The following TENM2 variants were observed in gnomAD, a reference collection of about 807,000 sequenced individuals.
TENM2 encodes teneurin-2.
In TENM2, 52 loss-of-function variants were observed where a neutral mutation model predicts 245.2. The observed-to-expected ratio is 0.21, with a 90% CI of 0.17 to 0.27. The LOEUF is 0.27. TENM2 is among the 10% of genes least tolerant of loss of function. TENM2 has a pLI of 1.00. For synonymous variants in TENM2, 1,363 were observed against 1,438.9 expected (o/e 0.95, Z 1.19); for missense variants, 3,046 against 3,666.8 (o/e 0.83, Z 4.37).
intron 2 of TENM2, among the ~76,000 whole-genome samples, chr5:167,596,437 C>T (rs1776215333): frequency 6.6e-6 from 1 of 152,236 alleles, no homozygotes; most frequent in East Asian, 1.9e-4. Context: ...TCCCATTAAT[C>T]ACATTGAGCT....
chr5:168,125,367 C>A (rs776695837), intron 11 of TENM2, among the ~76,000 whole-genome samples: 1 of 152,080 alleles, frequency 6.6e-6, no homozygotes, highest in Non-Finnish European at 1.5e-5. Flanking sequence ...CATTTCAGCC[C>A]CAGACAAACT....
chr5:167,281,113 GTTT>G (rs754623913), upstream of TENM2, among the ~76,000 whole-genome samples: 1 of 122,520 alleles, frequency 8.2e-6, no homozygotes, highest in Non-Finnish European at 1.8e-5. Context: ...GACAATCAAT[GTTT>G]TTTTTTTTTT....
At chr5:167,077,920 T>A in the TENM2 span, among the ~76,000 whole-genome samples, 14 of 152,114 alleles carry the variant, frequency 9.2e-5, no homozygotes, top group Non-Finnish European at 2.1e-4. Context: ...ATTGGAACTA[T>A]GCAAACCAGG....
At chr5:167,033,126 A>T in the TENM2 span, among the ~76,000 whole-genome samples, 3 of 152,186 alleles carry the variant, frequency 2.0e-5, no homozygotes, top group East Asian at 5.8e-4. Context: ...CTGGACAGAC[A>T]AGTGTTTGAT....
chr5:167,668,182 G>C (rs1755695893), intron 2 of TENM2, among the ~76,000 whole-genome samples: 1 of 152,098 alleles, frequency 6.6e-6, no homozygotes, highest in Admixed American at 6.6e-5. Context: ...TCCTGGGGCT[G>C]CTTCGTTTAT....
At chr5:167,221,343 T>C in the TENM2 span, among the ~76,000 whole-genome samples, 1 of 152,182 alleles carries the variant, frequency 6.6e-6, no homozygotes, top group Non-Finnish European at 1.5e-5. Flanking sequence ...TTTTGGAGTT[T>C]GGATACTGAA....
the TENM2 span, among the ~76,000 whole-genome samples, chr5:167,158,939 TTTCTTTCTTTC>T: frequency 6.9e-6 from 1 of 145,962 alleles, no homozygotes; most frequent in African/African-American, 2.7e-5. Flanking sequence ...TCTCTCCTTC[TTTCTTTCTTTC>T]TTCTTTCTTT....
chr5:168,148,873 TGATAGATA>T (rs752440206), intron 12 of TENM2, among the ~76,000 whole-genome samples: 1,798 of 144,012 alleles, frequency 0.012, 17 homozygotes, highest in African/African-American at 0.024. Context: ...TAAATATATA[TGATAGATA>T]GATAGATAGA....
At chr5:167,403,350 C>T (rs1365436433) in intron 2 of TENM2, among the ~76,000 whole-genome samples, 6 of 151,728 alleles carry the variant, frequency 4.0e-5, no homozygotes, top group Non-Finnish European at 5.9e-5. Context: ...AGCCTGAAGA[C>T]GAAACATAAA....
intron 1 of TENM2, among the ~76,000 whole-genome samples, chr5:167,300,845 TAGTTAAA>T (rs879448323): frequency 5.9e-5 from 9 of 152,200 alleles, no homozygotes; most frequent in Middle Eastern, 3.4e-3. Context: ...GCCCATAACT[TAGTTAAA>T]GTGTCTCGGC....
chr5:168,192,339 C>CG (rs1761032801), intron 14 of TENM2, among the ~76,000 whole-genome samples: 1 of 152,164 alleles, frequency 6.6e-6, no homozygotes, highest in Non-Finnish European at 1.5e-5. Flanking sequence ...TACTATGACT[C>CG]TAAGACTAGT....
chr5:167,498,645 C>T (rs1385967313), intron 2 of TENM2, among the ~76,000 whole-genome samples: 3 of 152,058 alleles, frequency 2.0e-5, no homozygotes, highest in Admixed American at 6.6e-5. Flanking sequence ...GCTTGCACTC[C>T]AGCACTGAAC....
chr5:167,203,306 A>G, the TENM2 span, among the ~76,000 whole-genome samples: 4 of 152,178 alleles, frequency 2.6e-5, no homozygotes, highest in African/African-American at 9.7e-5. Context: ...GGCCAGGCAC[A>G]TGGGAATACT....
chr5:167,433,313 A>G (rs1377744833), intron 2 of TENM2, among the ~76,000 whole-genome samples: 1 of 152,136 alleles, frequency 6.6e-6, no homozygotes, highest in Non-Finnish European at 1.5e-5. Flanking sequence ...TATATTTTTA[A>G]TGGCTTCTGT....
the TENM2 span, among the ~76,000 whole-genome samples, chr5:167,193,784 T>C: frequency 1.3e-5 from 2 of 152,142 alleles, no homozygotes; most frequent in East Asian, 3.9e-4. Context: ...ATAACTACCA[T>C]TTATTGAGTG....
intron 2 of TENM2, among the ~76,000 whole-genome samples, chr5:167,583,182 G>A (rs968128134): frequency 6.6e-6 from 1 of 152,122 alleles, no homozygotes; most frequent in Non-Finnish European, 1.5e-5. Flanking sequence ...GATTTCATTC[G>A]AATTCGGGGA....
At chr5:167,651,122 ACTC>A (rs1034602981) in intron 2 of TENM2, among the ~76,000 whole-genome samples, 9 of 151,724 alleles carry the variant, frequency 5.9e-5, no homozygotes, top group African/African-American at 2.2e-4. Flanking sequence ...TTAGATGAAT[ACTC>A]CTCAGCAGTC....
chr5:167,675,691 G>T (rs566613555), intron 2 of TENM2, among the ~76,000 whole-genome samples: 1 of 152,150 alleles, frequency 6.6e-6, no homozygotes, highest in South Asian at 2.1e-4. Flanking sequence ...TTATTTCAGG[G>T]TCTGTATCTT....
At chr5:167,834,130 G>A (rs887270548) in intron 2 of TENM2, among the ~76,000 whole-genome samples, 1 of 152,176 alleles carries the variant, frequency 6.6e-6, no homozygotes, top group Non-Finnish European at 1.5e-5. Context: ...ATCAGAGAAT[G>A]AGTAATATTT....
Sources: gnomAD v4.1 joint callset for allele counts (sites outside exome capture counted in the v4.1 genomes callset) on GRCh38, gnomAD v4.1.1 for gene constraint, MANE v1.5 for transcripts, NCBI Gene and HGNC (gene_info 2026-07-23, HGNC 2026-07-21) for gene names.